Variants in PTPRC observed in about 807,000 individuals in gnomAD.
The protein encoded by PTPRC is receptor-type tyrosine-protein phosphatase C.
A neutral mutation model predicts 155.9 loss-of-function variants in PTPRC; 44 were observed. That is an observed-to-expected ratio of 0.28 (90% confidence interval 0.22 to 0.36). The LOEUF is 0.36. Ranked by LOEUF, PTPRC falls within the 10% of genes least tolerant of loss-of-function variation. PTPRC has a pLI of 1.00. For synonymous variants in PTPRC, 525 were observed against 533.1 expected (o/e 0.98, Z 0.21); for missense variants, 1,401 against 1,564.6 (o/e 0.90, Z 1.76).
chr1:198,682,721 A>G (rs1034790400), intron 2 of PTPRC, among the ~76,000 whole-genome samples: 2 of 152,084 alleles, frequency 1.3e-5, no homozygotes, highest in Admixed American at 6.5e-5. Flanking sequence ...ATGTTCTACT[A>G]TTTTTCCTTC....
At position 198,750,537 on chromosome 1, in the gene PTPRC, A is replaced by G; in HGVS notation, c.3118A>G (p.Lys1040Glu). Residue 1040 changes from lysine (K) to glutamate (E), a missense_variant, in exon 29 of 33, where the codon AAG becomes GAG. This residue lies in a region of PTPRC where 400 missense variants were observed against 389.5 expected (regional missense o/e 1.03). Transcript: ENST00000442510. ...EVMIAAQGPLKETIGDFWQMI... is the reference protein window; with the variant it reads ...EVMIAAQGPLEETIGDFWQMI... ...GATGATTGCTGCTCAGGGACCACTG[A>G]AGGAGACCATTGGTGACTTTTGGCA... 4.3e-6 allele frequency: 7 copies of G among 1,612,306 alleles called. No homozygotes were observed. Among genetic ancestry groups the G allele is most frequent in the Non-Finnish European group, 5.9e-6 (7 of 1,178,720 alleles).
intron 14 of PTPRC, among the ~76,000 whole-genome samples, chr1:198,718,736 C>T (rs1443601515): frequency 6.6e-6 from 1 of 152,084 alleles, no homozygotes; most frequent in Non-Finnish European, 1.5e-5. Flanking sequence ...AGTGAGCATA[C>T]AGAATTTAAA....
At position 198,728,326 on chromosome 1, in the gene PTPRC, T is replaced by C. The variant is rs1654235545; in HGVS notation, c.1721-14T>C. The C allele has an allele frequency of 6.2e-7, 1 of 1,602,296 alleles. No homozygotes were observed. On this transcript the variant is annotated splice_polypyrimidine_tract_variant and intron_variant, in intron 15 of 32. Coordinates refer to ENST00000442510, the MANE Select transcript of PTPRC (RefSeq NM_002838.5). ...TGACAATCGTTCTCTGAATGTATTA[T>C]TTTTCATTTCTAGATAATTCTAAGG... is the stretch of plus-strand genomic sequence containing the variant.
At chr1:198,671,058 G>A (rs1043903742) in intron 2 of PTPRC, among the ~76,000 whole-genome samples, 4 of 151,610 alleles carry the variant, frequency 2.6e-5, no homozygotes, top group Non-Finnish European at 5.9e-5. Context: ...ATGTCACATT[G>A]TACCTTATAA....
intron 2 of PTPRC, among the ~76,000 whole-genome samples, chr1:198,675,196 G>C (rs757858924): frequency 6.6e-6 from 1 of 151,976 alleles, no homozygotes; most frequent in Non-Finnish European, 1.5e-5. Flanking sequence ...ATTTTTCCCA[G>C]TTCTAAACAT....
At chr1:198,689,829 C>G (rs146629672) in intron 2 of PTPRC, among the ~76,000 whole-genome samples, 1 of 152,016 alleles carries the variant, frequency 6.6e-6, no homozygotes, top group Non-Finnish European at 1.5e-5. Flanking sequence ...GATGTTGATG[C>G]GAGAAATTTT....
intron 4 of PTPRC, among the ~76,000 whole-genome samples, chr1:198,699,075 T>A (rs925828564): frequency 6.6e-6 from 1 of 152,228 alleles, no homozygotes; most frequent in Admixed American, 6.5e-5. Context: ...ATTTAAAAAA[T>A]TGTTCTTAAC....
At chr1:198,656,708 C>A (rs1201538356) in intron 2 of PTPRC, among the ~76,000 whole-genome samples, 1 of 144,722 alleles carries the variant, frequency 6.9e-6, no homozygotes, top group Non-Finnish European at 1.5e-5. Flanking sequence ...GTTTACTGAT[C>A]TGTAGTTTTA....
intron 2 of PTPRC, among the ~76,000 whole-genome samples, chr1:198,651,560 T>G (rs1663253224): frequency 6.6e-6 from 1 of 151,730 alleles, no homozygotes; most frequent in African/African-American, 2.4e-5. Context: ...CTACTTAATT[T>G]TGTACTTACT....
chr1:198,668,430 T>C (rs1365509682), intron 2 of PTPRC, among the ~76,000 whole-genome samples: 2 of 152,098 alleles, frequency 1.3e-5, no homozygotes, highest in African/African-American at 2.4e-5. Flanking sequence ...GTTAGATAGA[T>C]AAAGAAGAGA....
At chr1:198,665,090 T>C (rs1168532981) in intron 2 of PTPRC, among the ~76,000 whole-genome samples, 1 of 125,628 alleles carries the variant, frequency 8.0e-6, no homozygotes, top group East Asian at 2.3e-4. Context: ...ATTTTTTTTT[T>C]TTTTTTTTTT....
chr1:198,645,132 G>T (rs1367628294), intron 2 of PTPRC, among the ~76,000 whole-genome samples: 1 of 151,740 alleles, frequency 6.6e-6, no homozygotes, highest in South Asian at 2.1e-4. Flanking sequence ...ACACTCATAC[G>T]TATTAGGATA....
intron 2 of PTPRC, among the ~76,000 whole-genome samples, chr1:198,660,030 C>CATATAT (rs34796231): frequency 0.038 from 4,346 of 114,198 alleles, 185 homozygotes; most frequent in African/African-American, 0.066. Flanking sequence ...TATATATGTC[C>CATATAT]ATATATATAT....
intron 15 of PTPRC, among the ~76,000 whole-genome samples, chr1:198,723,095 C>T (rs985057003): frequency 6.8e-6 from 1 of 146,304 alleles, no homozygotes; most frequent in African/African-American, 2.5e-5. Flanking sequence ...ATTTTTGGGT[C>T]TCCTTATAGT....
chr1:198,650,860 A>G (rs575258895), intron 2 of PTPRC, among the ~76,000 whole-genome samples: 5 of 151,832 alleles, frequency 3.3e-5, no homozygotes, highest in Non-Finnish European at 7.4e-5. Flanking sequence ...AGTGAAAAAA[A>G]GTAGAACTAT....
intron 2 of PTPRC, among the ~76,000 whole-genome samples, chr1:198,689,457 T>C (rs941095430): frequency 6.6e-6 from 1 of 152,208 alleles, no homozygotes; most frequent in African/African-American, 2.4e-5. Flanking sequence ...GACAACAAAG[T>C]AGTAAATCAG....
intron 2 of PTPRC, among the ~76,000 whole-genome samples, chr1:198,689,900 A>G (rs1369349981): frequency 6.6e-6 from 1 of 152,080 alleles, no homozygotes; most frequent in African/African-American, 2.4e-5. Context: ...GACTAGATAT[A>G]TGTGTTTTAT....
At chr1:198,719,181 G>T (rs1653753020) in intron 14 of PTPRC, among the ~76,000 whole-genome samples, 2 of 151,820 alleles carry the variant, frequency 1.3e-5, no homozygotes, top group Admixed American at 6.6e-5. Flanking sequence ...AAATTGCCCT[G>T]GTGTATCAGT....
chr1:198,737,523 G>A (rs1200122362), intron 23 of PTPRC, among the ~76,000 whole-genome samples: 1 of 151,452 alleles, frequency 6.6e-6, no homozygotes, highest in Non-Finnish European at 1.5e-5. Flanking sequence ...ATTGCTCTAT[G>A]TATGTTTTTA....
Sources: gnomAD v4.1 joint callset for allele counts (sites outside exome capture counted in the v4.1 genomes callset) on GRCh38, gnomAD v4.1.1 for gene constraint, gnomAD v4.1.1 regional missense constraint, MANE v1.5 for transcripts, NCBI Gene and HGNC (gene_info 2026-07-23, HGNC 2026-07-21) for gene names.